SND1: variants seen among roughly 807,000 people sequenced by gnomAD.
SND1 encodes staphylococcal nuclease and tudor domain containing 1.
A neutral mutation model predicts 121.7 loss-of-function variants in SND1; 38 were observed. The ratio of observed to expected loss-of-function variants is 0.31; its 90% CI spans 0.24 to 0.41. The LOEUF (loss-of-function observed/expected upper bound fraction) is 0.41. Ranked by LOEUF, SND1 falls within the 10% of genes least tolerant of loss-of-function variation. SND1 has a pLI of 1.00. For synonymous variants in SND1, 401 were observed against 447.4 expected (o/e 0.90, Z 1.31); for missense variants, 868 against 1,184.6 (o/e 0.73, Z 3.92).
chr7:128,030,684 C>G, intron 16 of SND1: 2 of 1,521,834 alleles, frequency 1.3e-6, no homozygotes, highest in East Asian at 2.3e-5. Context: ...GATTTTGGCT[C>G]GGAAAGGAGA....
rs550770037 is a variant in SND1, at chr7:128,045,083, A to T, written c.1780-29419A>T. Among the ~76,000 whole-genome samples, 250 of 152,312 alleles carry T rather than the reference A, an allele frequency of 1.6e-3. 1 individual carries two copies. Among genetic ancestry groups the T allele is most frequent in the Non-Finnish European group, 2.5e-3 (168 of 68,026 alleles). ...GGAAACTAGAGGCAGATACGAGCTG[A>T]TGGGAGAAAAAAGCAAAAGGAGCTC... On this transcript the variant is annotated intron_variant, in intron 16 of 23. Coordinates refer to ENST00000354725, the MANE Select transcript of SND1 (RefSeq NM_014390.4).
chr7:127,652,331 A>C lies in SND1; in HGVS notation c.-43A>C, dbSNP rs1795134768. On this transcript the variant is annotated 5_prime_UTR_variant, in exon 1 of 24. Coordinates refer to ENST00000354725, the MANE Select transcript of SND1 (RefSeq NM_014390.4). Reference sequence around the variant, plus strand: ...CACCGACACCCACATTGACACCTCCAGTCCGGCCAGCCGCTCCACTCGTTG... The same window carrying C: ...CACCGACACCCACATTGACACCTCCCGTCCGGCCAGCCGCTCCACTCGTTG... 2.0e-6 allele frequency: 3 copies of C among 1,529,486 alleles called. No homozygotes were observed. The East Asian group carries it at 7.1e-5, about 36-fold the overall frequency. 94.7% of individuals were successfully genotyped at this position (1,529,486 alleles called of 1,614,324 possible). A position where few individuals can be genotyped will look rare whatever the true frequency, so the allele number is the denominator to read the frequency against.
chr7:127,921,774 G>A (rs1800710522), intron 14 of SND1, among the ~76,000 whole-genome samples: 1 of 152,036 alleles, frequency 6.6e-6, no homozygotes, highest in African/African-American at 2.4e-5. Flanking sequence ...ATGTTTTTCT[G>A]TTTAACTATA....
intron 14 of SND1, among the ~76,000 whole-genome samples, chr7:127,926,730 T>TTGC (rs1221416365): frequency 4.8e-5 from 7 of 145,748 alleles, no homozygotes. Flanking sequence ...TTTGTTGTTG[T>TTGC]TGTTGTTGTT....
intron 15 of SND1, among the ~76,000 whole-genome samples, chr7:127,967,820 C>T (rs1315612943): frequency 2.6e-5 from 4 of 152,212 alleles, no homozygotes; most frequent in Non-Finnish European, 5.9e-5. Context: ...CTCTCATCAC[C>T]AGTGTGGCCA....
At position 128,053,213 on chromosome 7, in the gene SND1, C is replaced by T. The variant is rs184408910; in HGVS notation, c.1780-21289C>T. ...TTTAGGACTGCAGGAAGCTCTGTCA[C>T]CCCATGTCTTGGCAGTAAGCCAAAT... On this transcript the variant is annotated intron_variant, in intron 16 of 23. Coordinates refer to ENST00000354725, the MANE Select transcript of SND1 (RefSeq NM_014390.4). 9.2e-5 allele frequency among the ~76,000 whole-genome samples: 14 copies of T among 152,328 alleles called. No individual in the cohort carries two copies. In the East Asian group the frequency reaches 2.3e-3, roughly 25 times the overall value.
chr7:127,886,891 C>T (rs1799919912), intron 12 of SND1, among the ~76,000 whole-genome samples: 1 of 143,456 alleles, frequency 7.0e-6, no homozygotes, highest in African/African-American at 2.5e-5. Context: ...TTGAGAATTA[C>T]TTTGCATTAG....
chr7:128,014,737 C>T (rs1803189521), intron 16 of SND1, among the ~76,000 whole-genome samples: 1 of 152,088 alleles, frequency 6.6e-6, no homozygotes, highest in South Asian at 2.1e-4. Flanking sequence ...TTCAGTTTTG[C>T]TTTGGCGGGC....
Position 128,085,139 on chromosome 7 carries a change from G to T in SND1, c.2234+292G>T, listed in dbSNP as rs1374382258. ...GCTGGCCGGCCGGCCAGGCTGTCCA[G>T]CACACCCCTCACCCCACCCAGGAAG... On this transcript the variant is annotated intron_variant, in intron 19 of 23. Transcript: ENST00000354725. The surrounding 1 kb of genome is among the most constrained non-coding windows in gnomAD (Gnocchi z 4.4). Among the ~76,000 whole-genome samples the T allele has an allele frequency of 1.3e-5, 2 of 152,134 alleles. No individual in the cohort carries two copies. The highest frequency in any genetic ancestry group is 3.9e-4 in the East Asian group (2 of 5,166).
intron 11 of SND1, among the ~76,000 whole-genome samples, chr7:127,808,507 A>G (rs1041423003): frequency 3.3e-5 from 5 of 152,204 alleles, no homozygotes; most frequent in African/African-American, 1.2e-4. Flanking sequence ...AACTAATACC[A>G]AAATGGTGTA....
intron 11 of SND1, among the ~76,000 whole-genome samples, chr7:127,823,928 G>T (rs1798597201): frequency 6.6e-6 from 1 of 152,132 alleles, no homozygotes; most frequent in South Asian, 2.1e-4. Flanking sequence ...AGAGAGATTT[G>T]TTGTGATTTA....
chr7:127,846,069 G>A (rs1799056299), intron 12 of SND1, among the ~76,000 whole-genome samples: 1 of 152,220 alleles, frequency 6.6e-6, no homozygotes, highest in Admixed American at 6.5e-5. Flanking sequence ...GTTCTAGTCT[G>A]GGTTTCTATT....
At chr7:128,011,252 C>T (rs935003934) in intron 16 of SND1, among the ~76,000 whole-genome samples, 1 of 152,148 alleles carries the variant, frequency 6.6e-6, no homozygotes, top group Non-Finnish European at 1.5e-5. Context: ...AGGAATGATG[C>T]AGACTGGCCC....
At chr7:127,767,379 T>C (rs1185831194) in intron 10 of SND1, among the ~76,000 whole-genome samples, 1 of 152,178 alleles carries the variant, frequency 6.6e-6, no homozygotes, top group Non-Finnish European at 1.5e-5. Context: ...ACAGCTGCCT[T>C]CTTATATGTG....
intron 10 of SND1, among the ~76,000 whole-genome samples, chr7:127,801,182 C>T (rs1374232278): frequency 6.6e-6 from 1 of 152,190 alleles, no homozygotes; most frequent in African/African-American, 2.4e-5. Context: ...CCACATAGCG[C>T]CACATCAAAG....
Position 127,758,968 on chromosome 7 carries a change from C to T in SND1, c.1152+37568C>T, listed in dbSNP as rs547652181. On this transcript the variant is annotated intron_variant, in intron 10 of 23. Coordinates refer to ENST00000354725, the MANE Select transcript of SND1 (RefSeq NM_014390.4). ...CCTCGGGAGACAAAAATGGGAGCAT[C>T]GCTTGAGCCCAGAAGGTTGAGGCTA... 1.7e-3 allele frequency among the ~76,000 whole-genome samples: 258 copies of T among 152,178 alleles called. 1 individual carries two copies. Among genetic ancestry groups the T allele is most frequent in the Non-Finnish European group, 2.9e-3 (200 of 67,996 alleles).
At chr7:127,817,640 G>A (rs1798468541) in intron 11 of SND1, among the ~76,000 whole-genome samples, 1 of 150,940 alleles carries the variant, frequency 6.6e-6, no homozygotes, top group Non-Finnish European at 1.5e-5. Flanking sequence ...TTCTGGCATT[G>A]CTGTCCACAT....
chr7:127,825,341 C>T (rs1349963511), intron 11 of SND1, among the ~76,000 whole-genome samples: 1 of 151,696 alleles, frequency 6.6e-6, no homozygotes, highest in African/African-American at 2.4e-5. Flanking sequence ...AATCTCCTGA[C>T]CACATGATCC....
rs192606228 is a variant in SND1 at position 128,059,540 on chromosome 7, T to C, written c.1780-14962T>C. Among the ~76,000 whole-genome samples, 18 of 152,366 alleles carry C rather than the reference T, an allele frequency of 1.2e-4. No individual in the cohort carries two copies. The East Asian group carries it at 3.3e-3, about 28-fold the overall frequency. On this transcript the variant is annotated intron_variant, in intron 16 of 23. Coordinates refer to ENST00000354725, the MANE Select transcript of SND1 (RefSeq NM_014390.4). ...ATGCACGTTCTCTCAACATGTGTCTTCTCACTTTGAGGAACCCTAATCATT... is the reference window on the plus strand; with the variant it reads ...ATGCACGTTCTCTCAACATGTGTCTCCTCACTTTGAGGAACCCTAATCATT...
Sources: allele counts gnomAD v4.1 joint callset (sites outside exome capture counted in the v4.1 genomes callset), GRCh38; gene constraint gnomAD v4.1.1; non-coding constraint Gnocchi (gnomAD v3.1); transcripts MANE v1.5; gene names NCBI Gene and HGNC (gene_info 2026-07-23, HGNC 2026-07-21).